The following GABBR1 variants were observed in gnomAD, a reference collection of about 807,000 sequenced individuals.
The protein encoded by GABBR1 is GABA-B receptor, R1 subunit.
In GABBR1, 35 loss-of-function variants were observed where a neutral mutation model predicts 117.7. The ratio of observed to expected loss-of-function variants is 0.30; its 90% CI spans 0.23 to 0.39. GABBR1 has a LOEUF of 0.39. Ranked by LOEUF, GABBR1 falls within the 10% of genes least tolerant of loss-of-function variation. GABBR1 has a pLI of 1.00. For synonymous variants in GABBR1, 442 were observed against 486.6 expected (o/e 0.91, Z 1.21); for missense variants, 709 against 1,241.8 (o/e 0.57, Z 6.45).
At position 29,606,467 on chromosome 6, in the gene GABBR1, T is replaced by C. The variant is rs548005445; in HGVS notation, c.2235A>G (p.Glu745=). 5.0e-6 allele frequency: 8 copies of C among 1,611,828 alleles called. No homozygotes were observed. Among genetic ancestry groups the C allele is most frequent in the East Asian group, 2.2e-5 (1 of 44,860 alleles). Residue 745 remains glutamate, a synonymous_variant, in exon 19 of 23, where the codon GAA becomes GAG. Transcript: ENST00000377034. The surrounding 1 kb of genome is among the most constrained non-coding windows in gnomAD (Gnocchi z 4.5). ...HRTIETFAKE[E]PKEDIDVSIL... is the part of the protein sequence containing the mutation. ...TAGAGACGTCAATATCTTCCTTAGG[T>C]TCCTCCTTGGCAAATGTCTAGGGCA...
Position 29,603,129 on chromosome 6 carries a change from A to G in GABBR1, c.*414T>C. The G allele has an allele frequency of 2.1e-6, 1 of 466,704 alleles. No individual in the cohort carries two copies. Among genetic ancestry groups the G allele is most frequent in the Non-Finnish European group, 4.3e-6 (1 of 233,322 alleles). The allele number at this position is 466,704 out of a possible 1,614,324, so 28.9% of individuals were successfully genotyped here. A position where few individuals can be genotyped will look rare whatever the true frequency, so the allele number is the denominator to read the frequency against. ...AAAAGGAGAGGCCCCTTTGGGGTGG[A>G]AAGAGCACTTGTTGGGAGACCCCTG... is the stretch of plus-strand genomic sequence containing the variant. On this transcript the variant is annotated 3_prime_UTR_variant, in exon 23 of 23. Coordinates refer to ENST00000377034, the MANE Select transcript of GABBR1 (RefSeq NM_001470.4).
At position 29,632,577 on chromosome 6, in the gene GABBR1, G is replaced by A. The variant is rs1197712953; in HGVS notation, c.1-192C>T. 1.0e-6 allele frequency: 1 copy of A among 993,506 alleles called. No homozygotes were observed. The highest frequency in any genetic ancestry group is 1.8e-5 in the South Asian group (1 of 56,246). 61.5% of individuals were successfully genotyped at this position (993,506 alleles called of 1,614,324 possible). On this transcript the variant is annotated intron_variant, in intron 1 of 22. Transcript: ENST00000377034. This position sits in a 1 kb window ranked among gnomAD's most constrained non-coding sequence, Gnocchi z 5.8. ...GGGGGGAGAGGAGGAGAGAAAGCCT[G>A]TCCCCACCCTCCTCCTGCCTCCCTC...
At chr6:29,625,465 C>T (rs1258279937) in intron 6 of GABBR1, among the ~76,000 whole-genome samples, 2 of 152,158 alleles carry the variant, frequency 1.3e-5, no homozygotes, top group Non-Finnish European at 2.9e-5. Flanking sequence ...CCTTTTCTTG[C>T]AACCGTTTCC....
In GABBR1 at chr6:29,632,462, G is replaced by A; in HGVS notation, c.1-77C>T. On this transcript the variant is annotated intron_variant, in intron 1 of 22. Transcript: ENST00000377034. This position sits in a 1 kb window ranked among gnomAD's most constrained non-coding sequence, Gnocchi z 5.8. ...GCACCCGGAGACTACTCGACCTCTTGCCGGTTGCCTCGCAGGCTCCGACCG... is the reference window on the plus strand; with the variant it reads ...GCACCCGGAGACTACTCGACCTCTTACCGGTTGCCTCGCAGGCTCCGACCG... 7 of 1,194,582 alleles carry A rather than the reference G, an allele frequency of 5.9e-6. No individual in the cohort carries two copies. The highest frequency in any genetic ancestry group is 7.7e-6 in the Non-Finnish European group (7 of 908,854). The allele number at this position is 1,194,582 out of a possible 1,614,324, so 74.0% of individuals were successfully genotyped here.
chr6:29,604,700 G>A lies in GABBR1; in HGVS notation c.2569-63C>T. 6.2e-7 allele frequency: 1 copy of A among 1,608,392 alleles called. No individual in the cohort carries two copies. The highest frequency in any genetic ancestry group is 8.5e-7 in the Non-Finnish European group (1 of 1,176,052). On this transcript the variant is annotated intron_variant, in intron 21 of 22. Coordinates refer to ENST00000377034, the MANE Select transcript of GABBR1 (RefSeq NM_001470.4). The surrounding 1 kb of genome is among the most constrained non-coding windows in gnomAD (Gnocchi z 5.3). ...GGACTGTACTAGTGACTGGCTGATG[G>A]AAGGTTGGAGGTGGAAGGAATGCTG... is the stretch of plus-strand genomic sequence containing the variant.
Position 29,606,507 on chromosome 6 carries a change from A to G in GABBR1, c.2218-23T>C. ...TGTCTAGGGCAGAAACAAGGTCACA[A>G]GAAAGATGGTTGCCAGCCTCCCCTC... On this transcript the variant is annotated intron_variant, in intron 18 of 22. Coordinates refer to ENST00000377034, the MANE Select transcript of GABBR1 (RefSeq NM_001470.4). This position sits in a 1 kb window ranked among gnomAD's most constrained non-coding sequence, Gnocchi z 4.5. 6.5e-7 allele frequency: 1 copy of G among 1,543,532 alleles called. No individual in the cohort carries two copies. The highest frequency in any genetic ancestry group is 9.0e-7 in the Non-Finnish European group (1 of 1,116,344).
chr6:29,630,312 G>T lies in GABBR1; in HGVS notation c.475+146C>A. 1 of 679,534 alleles carries T rather than the reference G, an allele frequency of 1.5e-6. No individual in the cohort carries two copies. Among genetic ancestry groups the T allele is most frequent in the Non-Finnish European group, 2.4e-6 (1 of 410,062 alleles). 42.1% of individuals were successfully genotyped at this position (679,534 alleles called of 1,614,324 possible). A position where few individuals can be genotyped will look rare whatever the true frequency, so the allele number is the denominator to read the frequency against. On this transcript the variant is annotated intron_variant, in intron 4 of 22. Transcript: ENST00000377034. The surrounding 1 kb of genome is among the most constrained non-coding windows in gnomAD (Gnocchi z 4.9). ...GAGGAAGTTTGAGGCAGGTGATGGA[G>T]GAAAAAGGGACTTTCATCTCCCCTT...
At position 29,604,174 on chromosome 6, in the gene GABBR1, G is replaced by A. The variant is rs1761704129; in HGVS notation, c.2712+320C>T. The stretch of plus-strand genomic sequence containing the variant: ...GAGTGTTGACTACTAGAGGCTCACA[G>A]CTGCCTCTCTCCAGTTGTCACCTAC... On this transcript the variant is annotated intron_variant, in intron 22 of 22. Transcript: ENST00000377034. This position sits in a 1 kb window ranked among gnomAD's most constrained non-coding sequence, Gnocchi z 5.3. Among the ~76,000 whole-genome samples, 1 of 152,190 alleles carries A rather than the reference G, an allele frequency of 6.6e-6. No individual in the cohort carries two copies. The highest frequency in any genetic ancestry group is 6.5e-5 in the Admixed American group (1 of 15,282).
chr6:29,632,476 A>T lies in GABBR1; in HGVS notation c.1-91T>A. 2 of 1,136,930 alleles carry T rather than the reference A, an allele frequency of 1.8e-6. No individual in the cohort carries two copies. The highest frequency in any genetic ancestry group is 2.3e-6 in the Non-Finnish European group (2 of 857,916). 70.4% of individuals were successfully genotyped at this position (1,136,930 alleles called of 1,614,324 possible). ...CTCGACCTCTTGCCGGTTGCCTCGC[A>T]GGCTCCGACCGGGCTCAGCCTGGGG... On this transcript the variant is annotated intron_variant, in intron 1 of 22. Transcript: ENST00000377034. This position sits in a 1 kb window ranked among gnomAD's most constrained non-coding sequence, Gnocchi z 5.8.
rs1439179871 is a variant in GABBR1, at chr6:29,633,075, C to G, written c.-226G>C. 1 of 154,082 alleles carries G rather than the reference C, an allele frequency of 6.5e-6. No homozygotes were observed. The highest frequency in any genetic ancestry group is 6.5e-5 in the Admixed American group (1 of 15,292). The allele number at this position is 154,082 out of a possible 1,614,324, so 9.5% of individuals were successfully genotyped here. ...CCCGGGGCGGCGGCAGCCACGGGAGCGGGGAGCGGGGAGCCGGGAGGGAAG... is the reference window on the plus strand; with the variant it reads ...CCCGGGGCGGCGGCAGCCACGGGAGGGGGGAGCGGGGAGCCGGGAGGGAAG... On this transcript the variant is annotated 5_prime_UTR_variant, in exon 1 of 23. Transcript: ENST00000377034. This position sits in a 1 kb window ranked among gnomAD's most constrained non-coding sequence, Gnocchi z 4.4.
chr6:29,632,665 G>T lies in GABBR1; in HGVS notation c.-1+185C>A. The T allele has an allele frequency of 7.1e-7, 1 of 1,412,812 alleles. No individual in the cohort carries two copies. The highest frequency in any genetic ancestry group is 2.5e-5 in the Admixed American group (1 of 39,958). The allele number at this position is 1,412,812 out of a possible 1,614,324, so 87.5% of individuals were successfully genotyped here. A position where few individuals can be genotyped will look rare whatever the true frequency, so the allele number is the denominator to read the frequency against. On this transcript the variant is annotated intron_variant, in intron 1 of 22. Transcript: ENST00000377034. The surrounding 1 kb of genome is among the most constrained non-coding windows in gnomAD (Gnocchi z 5.8). Reference sequence around the variant, plus strand: ...TCCTCTCCCCCGGCCCCCGCGGCTCGCAGAAGCCTGGCTTACCCACGCTCC... The same window carrying T: ...TCCTCTCCCCCGGCCCCCGCGGCTCTCAGAAGCCTGGCTTACCCACGCTCC...
Position 29,630,353 on chromosome 6 carries a change from C to T in GABBR1, c.475+105G>A. 1.9e-6 allele frequency: 2 copies of T among 1,061,446 alleles called. No individual in the cohort carries two copies. Among genetic ancestry groups the T allele is most frequent in the South Asian group, 3.0e-5 (2 of 66,896 alleles). 65.8% of individuals were successfully genotyped at this position (1,061,446 alleles called of 1,614,324 possible). On this transcript the variant is annotated intron_variant, in intron 4 of 22. Coordinates refer to ENST00000377034, the MANE Select transcript of GABBR1 (RefSeq NM_001470.4). This position sits in a 1 kb window ranked among gnomAD's most constrained non-coding sequence, Gnocchi z 4.9. ...ATCTCCCCTTTCCAGTGTCCTCCCC[C>T]ACATTTTTATAGCTCTCCATTCTTT...
rs1049475813 is a variant in GABBR1, at chr6:29,627,639, G to A, written c.504C>T (p.Arg168=). 19 of 1,551,780 alleles carry A rather than the reference G, an allele frequency of 1.2e-5. No individual in the cohort carries two copies. Among genetic ancestry groups the A allele is most frequent in the Non-Finnish European group, 1.6e-5 (19 of 1,152,640 alleles). Residue 168 remains arginine (R), a synonymous_variant, in exon 6 of 23, where the codon CGC becomes CGT. Transcript: ENST00000377034. The surrounding 1 kb of genome is among the most constrained non-coding windows in gnomAD (Gnocchi z 4.4). The part of the protein sequence containing the change: ...QVNRTPHSER[R]AVYIGALFPM... ...GAAACAGTGCCCCGATGTACACTGC[G>A]CGCCGTTCTGAGGAGGGGTGCGGGG...
At chr6:29,614,981 CAAAAAAAAA>C (rs202165362) in intron 11 of GABBR1, among the ~76,000 whole-genome samples, 2 of 81,152 alleles carry the variant, frequency 2.5e-5, no homozygotes, top group Admixed American at 1.5e-4. Context: ...TAAAACTGCT[CAAAAAAAAA>C]AAAAAAAAAA....
At position 29,605,648 on chromosome 6, in the gene GABBR1, A is replaced by C; in HGVS notation, c.2360T>G (p.Leu787Arg). The C allele has an allele frequency of 6.2e-7, 1 of 1,613,160 alleles. No homozygotes were observed. Among genetic ancestry groups the C allele is most frequent in the Non-Finnish European group, 8.5e-7 (1 of 1,180,028 alleles). ...GGACACACTCTTGGTCTCATAAGCA[A>C]GGAAGATTCCCAGCAGCAGCAGCAG... ...KGLLLLLGIF[L>R]AYETKSVSTE... Residue 787 changes from leucine to arginine, a missense_variant, in exon 20 of 23, where the codon CTT becomes CGT. Leu to Arg is a moderately radical substitution (Grantham distance 102). Coordinates refer to ENST00000377034, the MANE Select transcript of GABBR1 (RefSeq NM_001470.4). This position sits in a 1 kb window ranked among gnomAD's most constrained non-coding sequence, Gnocchi z 4.2.
rs531906171 is a variant in GABBR1, at chr6:29,623,660, A to C, written c.793-185T>G. Among the ~76,000 whole-genome samples the C allele has an allele frequency of 1.2e-4, 19 of 152,192 alleles. No homozygotes were observed. Among genetic ancestry groups the C allele is most frequent in the African/African-American group, 4.3e-4 (18 of 41,520 alleles). On this transcript the variant is annotated intron_variant, in intron 7 of 22. Transcript: ENST00000377034. This position sits in a 1 kb window ranked among gnomAD's most constrained non-coding sequence, Gnocchi z 6.2. ...GGCCCACACACCCCTCACAACCGGG[A>C]TGCTCTTTCACTGATCTAATTTCAA...
chr6:29,602,765 A>C lies in GABBR1; in HGVS notation c.*778T>G, dbSNP rs1351412589. On this transcript the variant is annotated 3_prime_UTR_variant, in exon 23 of 23. Coordinates refer to ENST00000377034, the MANE Select transcript of GABBR1 (RefSeq NM_001470.4). ...TAGGAAAGACATGACTCAGCATGCT[A>C]GACAAATTGCACATGCCTACCCAAA... 2.0e-5 allele frequency: 7 copies of C among 347,286 alleles called. No homozygotes were observed. Among genetic ancestry groups the C allele is most frequent in the South Asian group, 1.6e-4 (7 of 45,110 alleles). 21.5% of individuals were successfully genotyped at this position (347,286 alleles called of 1,614,324 possible).
Position 29,627,890 on chromosome 6 carries a change from C to T in GABBR1, c.497-244G>A. ...TAAGAGGGTGCCGGGGAGGCGCCTC[C>T]ATCCCTGATTTTGTGGGGAGGAGGG... On this transcript the variant is annotated intron_variant, in intron 5 of 22. Coordinates refer to ENST00000377034, the MANE Select transcript of GABBR1 (RefSeq NM_001470.4). This position sits in a 1 kb window ranked among gnomAD's most constrained non-coding sequence, Gnocchi z 4.4. 1 of 1,360,586 alleles carries T rather than the reference C, an allele frequency of 7.3e-7. No homozygotes were observed. The highest frequency in any genetic ancestry group is 9.4e-7 in the Non-Finnish European group (1 of 1,065,112). 84.3% of individuals were successfully genotyped at this position (1,360,586 alleles called of 1,614,324 possible).
Position 29,604,477 on chromosome 6 carries a change from G to A in GABBR1, c.2712+17C>T. ...CTGGACCACTCCAACACCCTACCCTGACACCCACCCCCGCACCTCAGCAAT... is the reference window on the plus strand; with the variant it reads ...CTGGACCACTCCAACACCCTACCCTAACACCCACCCCCGCACCTCAGCAAT... On this transcript the variant is annotated intron_variant, in intron 22 of 22. Transcript: ENST00000377034. The surrounding 1 kb of genome is among the most constrained non-coding windows in gnomAD (Gnocchi z 5.3). 6.2e-7 allele frequency: 1 copy of A among 1,613,080 alleles called. No individual in the cohort carries two copies. The highest frequency in any genetic ancestry group is 8.5e-7 in the Non-Finnish European group (1 of 1,179,976).
Sources: gnomAD v4.1 joint callset for allele counts (sites outside exome capture counted in the v4.1 genomes callset) on GRCh38, gnomAD v4.1.1 for gene constraint, Gnocchi (gnomAD v3.1) non-coding constraint, MANE v1.5 for transcripts, NCBI Gene and HGNC (gene_info 2026-07-23, HGNC 2026-07-21) for gene names.